KCNQ5: variants seen among roughly 807,000 people sequenced by gnomAD.
The protein encoded by KCNQ5 is potassium voltage-gated channel subfamily Q member 5, also known as potassium voltage-gated channel subfamily KQT member 5.
KCNQ5 carries 30 observed loss-of-function variants against 98.2 expected under a neutral mutation model. That is an observed-to-expected ratio of 0.31 (90% CI 0.23 to 0.41). The LOEUF is 0.41. Among genes scored for constraint, KCNQ5 ranks in the 10% least tolerant of loss-of-function variants. The pLI is 1.00. For synonymous variants in KCNQ5, 458 were observed against 449.4 expected, an observed-to-expected ratio of 1.02 and a Z score of -0.24; for missense variants, 835 against 1,182.5, an observed-to-expected ratio of 0.71 and a Z score of 4.31.
chr6:73,175,666 A>C (rs1778185724), intron 11 of KCNQ5, among the ~76,000 whole-genome samples: 1 of 152,178 alleles, frequency 6.6e-6, no homozygotes, highest in Non-Finnish European at 1.5e-5. Context: ...CCCAGCGTTC[A>C]GTGCATGCAT....
intron 1 of KCNQ5, among the ~76,000 whole-genome samples, chr6:72,885,854 C>A (rs1350414186): frequency 1.3e-5 from 2 of 152,108 alleles, no homozygotes; most frequent in Admixed American, 6.6e-5. Context: ...GTGAGGGAAC[C>A]ACCTCAGAAA....
chr6:72,810,127 G>A (rs575922988), intron 1 of KCNQ5, among the ~76,000 whole-genome samples: 9 of 152,250 alleles, frequency 5.9e-5, no homozygotes, highest in South Asian at 4.2e-4. Context: ...TTACATCAGC[G>A]CCCAGAGAAT....
chr6:72,989,938 CTCAGGTTTG>C (rs1320387953), intron 1 of KCNQ5, among the ~76,000 whole-genome samples: 1 of 30,180 alleles, frequency 3.3e-5, no homozygotes, highest in African/African-American at 1.0e-4. Context: ...GCTTGTTTTT[CTCAGGTTTG>C]TCAAAGATCA....
At chr6:72,657,290 A>G (rs1194518754) in intron 1 of KCNQ5, among the ~76,000 whole-genome samples, 1 of 152,134 alleles carries the variant, frequency 6.6e-6, no homozygotes, top group Non-Finnish European at 1.5e-5. Context: ...ACATTTCACA[A>G]ATTTGTTTTA....
rs958687137 is a variant in KCNQ5, at chr6:72,706,405, G to T, written c.398+83818G>T. ...TGCCTTGCTTTGCTTATGGCCCTGT[G>T]GTGGGTACTAAAGTATTTCTTATGT... On this transcript the variant is annotated intron_variant, in intron 1 of 13. Coordinates refer to ENST00000370398, the MANE Select transcript of KCNQ5 (RefSeq NM_019842.4). Among the ~76,000 whole-genome samples, 19 of 151,814 alleles carry T rather than the reference G, an allele frequency of 1.3e-4. No individual in the cohort carries two copies. In the East Asian group the frequency reaches 3.7e-3, roughly 29 times the overall value.
chr6:73,024,381 T>TGATAGATAGATAGATTAGATAGATAGATA (rs1554198955), intron 2 of KCNQ5, among the ~76,000 whole-genome samples: 19,511 of 120,494 alleles, frequency 0.16, 2,168 homozygotes, highest in Non-Finnish European at 0.18. Flanking sequence ...GATAGATAGA[T>TGATAGATAGATAGATTAGATAGATAGATA]GATAGATAGA....
intron 10 of KCNQ5, among the ~76,000 whole-genome samples, chr6:73,167,077 C>A (rs1777830911): frequency 6.6e-6 from 1 of 152,086 alleles, no homozygotes; most frequent in African/African-American, 2.4e-5. Flanking sequence ...TCAGAGAAAC[C>A]ATGAACAATT....
intron 2 of KCNQ5, among the ~76,000 whole-genome samples, chr6:73,033,900 A>T (rs1445854321): frequency 6.6e-6 from 1 of 152,210 alleles, no homozygotes. Context: ...CAATACACTA[A>T]TATACCTTCC....
At chr6:72,644,441 T>G (rs1464108585) in intron 1 of KCNQ5, among the ~76,000 whole-genome samples, 1 of 152,110 alleles carries the variant, frequency 6.6e-6, no homozygotes, top group Non-Finnish European at 1.5e-5. Flanking sequence ...GCTGGGAACA[T>G]ATGTGAGAGG....
chr6:73,082,574 C>G (rs761950569), intron 5 of KCNQ5, among the ~76,000 whole-genome samples: 11 of 152,200 alleles, frequency 7.2e-5, no homozygotes, highest in Non-Finnish European at 1.5e-4. Flanking sequence ...TCTCTATTCT[C>G]CTGCTTCTCA....
rs141861798 is a variant in KCNQ5 at position 73,131,162 on chromosome 6, G to T, written c.1248-2259G>T. Among the ~76,000 whole-genome samples, 773 of 152,156 alleles carry T rather than the reference G, an allele frequency of 5.1e-3. 4 individuals carry two copies. Among genetic ancestry groups the T allele is most frequent in the Non-Finnish European group, 8.4e-3 (571 of 67,956 alleles). On this transcript the variant is annotated intron_variant, in intron 9 of 13. Coordinates refer to ENST00000370398, the MANE Select transcript of KCNQ5 (RefSeq NM_019842.4). ...TTTTTAAAAATATTTTTATAGGTAT[G>T]ATTTTTAAAATACTTTTATTATAAA... is the stretch of plus-strand genomic sequence containing the variant.
At chr6:73,124,855 A>G (rs1201361513) in intron 9 of KCNQ5, among the ~76,000 whole-genome samples, 1 of 149,958 alleles carries the variant, frequency 6.7e-6, no homozygotes, top group East Asian at 1.9e-4. Context: ...AATGAAAGAA[A>G]GAAATTTTTT....
chr6:73,067,890 ATATATATATATATAT>A (rs1562159094), intron 3 of KCNQ5, among the ~76,000 whole-genome samples: 74 of 704 alleles, frequency 0.11, no homozygotes, highest in Admixed American at 0.12. Context: ...ATATATATAT[ATATATATATATATAT>A]AACTAAAATT....
chr6:72,963,759 T>C (rs1265678758), intron 1 of KCNQ5, among the ~76,000 whole-genome samples: 1 of 152,102 alleles, frequency 6.6e-6, no homozygotes, highest in Admixed American at 6.6e-5. Flanking sequence ...ACCTCCCAGA[T>C]TCAAGCAATT....
chr6:72,872,984 T>C (rs887493532), intron 1 of KCNQ5, among the ~76,000 whole-genome samples: 1 of 152,154 alleles, frequency 6.6e-6, no homozygotes. Flanking sequence ...GCATGATTTT[T>C]CTGCTCTAAA....
chr6:72,946,931 C>CCAGT (rs1219125116), intron 1 of KCNQ5, among the ~76,000 whole-genome samples: 8 of 152,168 alleles, frequency 5.3e-5, no homozygotes, highest in Non-Finnish European at 7.4e-5. Context: ...GTAATCATGA[C>CCAGT]CAGTCCCCAG....
chr6:72,945,336 T>C (rs1399768450), intron 1 of KCNQ5, among the ~76,000 whole-genome samples: 1 of 152,052 alleles, frequency 6.6e-6, no homozygotes, highest in African/African-American at 2.4e-5. Context: ...ATGTGCCATG[T>C]TGGTGTGCTG....
At chr6:72,662,920 GTGTA>G (rs773529292) in intron 1 of KCNQ5, among the ~76,000 whole-genome samples, 2 of 152,166 alleles carry the variant, frequency 1.3e-5, no homozygotes, top group African/African-American at 2.4e-5. Flanking sequence ...ATATCAGTGA[GTGTA>G]TGTTGCTCTT....
chr6:72,720,715 A>G (rs896749635), intron 1 of KCNQ5, among the ~76,000 whole-genome samples: 3 of 152,238 alleles, frequency 2.0e-5, no homozygotes, highest in Non-Finnish European at 4.4e-5. Flanking sequence ...GATATTTTAC[A>G]GATTAGTTTG....
Sources: allele counts gnomAD v4.1 joint callset (sites outside exome capture counted in the v4.1 genomes callset), GRCh38; gene constraint gnomAD v4.1.1; transcripts MANE v1.5; gene names NCBI Gene and HGNC (gene_info 2026-07-23, HGNC 2026-07-21).